Variants in SEM1 observed in about 807,000 individuals in gnomAD.
SEM1 encodes the protein 26S proteasome complex subunit SEM1.
In SEM1, 3 loss-of-function variants were observed where a neutral mutation model predicts 12.7. The observed-to-expected ratio is 0.24, with a 90% CI of 0.11 to 0.61. The LOEUF (loss-of-function observed/expected upper bound fraction) is 0.61, where lower values mean the gene tolerates loss of function less well. Among genes scored for constraint, SEM1 ranks in the 20% least tolerant of loss-of-function variants. SEM1 has a pLI of 0.88. For synonymous variants in SEM1, 30 were observed against 27.8 expected (o/e 1.08, Z -0.25); for missense variants, 59 against 81.3 (o/e 0.73, Z 1.06).
At position 96,709,800 on chromosome 7, in the gene SEM1, G is replaced by T. The variant is rs779124188; in HGVS notation, c.-37C>A. On this transcript the variant is annotated 5_prime_UTR_variant, in exon 1 of 3. In the 5' UTR this introduces an upstream ATG that the reference lacks. Transcript: ENST00000248566. ...GCGCCCAACACCTCCCAGATAAGCAGAAAAGTTGGAACCCTCACTCTTCCT... is the reference window on the plus strand; with the variant it reads ...GCGCCCAACACCTCCCAGATAAGCATAAAAGTTGGAACCCTCACTCTTCCT... 6.2e-7 allele frequency: 1 copy of T among 1,602,782 alleles called. No individual in the cohort carries two copies. Among genetic ancestry groups the T allele is most frequent in the South Asian group, 1.1e-5 (1 of 90,744 alleles).
At position 96,528,897 on chromosome 7, in the gene SEM1, T is replaced by A. The variant is rs568450333; in HGVS notation, c.171-22199A>T. On this transcript the variant is annotated intron_variant and NMD_transcript_variant, in intron 2 of 3. Coordinates refer to the SEM1 transcript ENST00000466986. ...CACCAAACATTGAAATATATACCAT[T>A]TGATAACCTTAGATATTGTATTCTA... Among the ~76,000 whole-genome samples, 6 of 152,252 alleles carry A rather than the reference T, an allele frequency of 3.9e-5. No homozygotes were observed. In the South Asian group the frequency reaches 6.2e-4, roughly 16 times the overall value.
chr7:96,497,509 A>G (rs1023227695), upstream of SEM1, among the ~76,000 whole-genome samples: 2 of 152,200 alleles, frequency 1.3e-5, no homozygotes, highest in Admixed American at 1.3e-4. Flanking sequence ...ATAAACCTGT[A>G]TAGTCTCTAA....
At chr7:96,550,976 C>T (rs765022936) in intron 2 of SEM1, among the ~76,000 whole-genome samples, 29 of 152,080 alleles carry the variant, frequency 1.9e-4, no homozygotes, top group Non-Finnish European at 1.8e-4. Context: ...ATTAAGCATT[C>T]AACAGATACT....
At chr7:96,484,019 C>T (rs1286070379) in intron 3 of SEM1, 4 of 1,471,182 alleles carry the variant, frequency 2.7e-6, no homozygotes, top group Admixed American at 2.4e-5. Flanking sequence ...TGCTGTGGGC[C>T]AGGAATCATT....
At chr7:96,582,148 C>G (rs1239280618) in intron 2 of SEM1, among the ~76,000 whole-genome samples, 3 of 151,422 alleles carry the variant, frequency 2.0e-5, no homozygotes, top group African/African-American at 4.9e-5. Flanking sequence ...TACGTCCCAT[C>G]AATACCTAAT....
In SEM1 at chr7:96,524,677, T is replaced by C. The variant is rs887449998; in HGVS notation, c.171-17979A>G. On this transcript the variant is annotated intron_variant and NMD_transcript_variant, in intron 2 of 3. Coordinates refer to the SEM1 transcript ENST00000466986. ...CCCATTATATTAAAAAATTATTATT[T>C]CATTATGTAGTCAACATAAAAATTA... Among the ~76,000 whole-genome samples, 4 of 152,012 alleles carry C rather than the reference T, an allele frequency of 2.6e-5. 1 individual carries two copies. The highest frequency in any genetic ancestry group is 5.9e-5 in the Non-Finnish European group (4 of 67,988).
intron 2 of SEM1, among the ~76,000 whole-genome samples, chr7:96,604,065 T>C (rs1362537902): frequency 6.6e-6 from 1 of 152,148 alleles, no homozygotes; most frequent in African/African-American, 2.4e-5. Flanking sequence ...AGAGGACAGA[T>C]GGGGTGTAAA....
intron 2 of SEM1, among the ~76,000 whole-genome samples, chr7:96,485,794 C>T (rs987553064): frequency 3.3e-5 from 5 of 152,040 alleles, no homozygotes. Context: ...TCCACCTCGG[C>T]CTTGCAAAGT....
intron 1 of SEM1, among the ~76,000 whole-genome samples, chr7:96,494,744 A>G (rs1212941974): frequency 4.6e-5 from 7 of 151,890 alleles, no homozygotes; most frequent in Middle Eastern, 3.4e-3. Context: ...GCAAAAGGGA[A>G]AGAGAGAGGG....
In SEM1 at chr7:96,577,115, C is replaced by CA. The variant is rs34984231; in HGVS notation, c.171-70418dup. Among the ~76,000 whole-genome samples the CA allele has an allele frequency of 2.9e-4, 42 of 147,074 alleles. No individual in the cohort carries two copies. The South Asian group carries it at 7.8e-3, about 27-fold the overall frequency. The stretch of plus-strand genomic sequence containing the variant: ...CTGGGCAACAAGAGCAAAACTCTGT[C>CA]AAAAAAAAAAAAATGGATACAATAT... On this transcript the variant is annotated intron_variant and NMD_transcript_variant, in intron 2 of 3. Coordinates refer to the SEM1 transcript ENST00000466986.
intron 2 of SEM1, among the ~76,000 whole-genome samples, chr7:96,518,733 G>A (rs376173499): frequency 3.3e-5 from 5 of 152,052 alleles, no homozygotes; most frequent in African/African-American, 7.2e-5. Context: ...ATCTCTTTGC[G>A]AATTATTCAG....
In SEM1 at chr7:96,615,241, CTTTT is replaced by C. The variant is rs60940244; in HGVS notation, c.170+79553_170+79556del. Among the ~76,000 whole-genome samples the C allele has an allele frequency of 3.5e-3, 446 of 126,394 alleles. 4 individuals are homozygous for C. The highest frequency in any genetic ancestry group is 0.013 in the African/African-American group (418 of 31,492). 82.9% of individuals were successfully genotyped at this position (126,394 alleles called of 152,430 possible). ...ACTGTTGGGTTATTTTTTGAGTCAT[CTTTT>C]TTTTTTTTTTTTTTTTTTTTGGAGA... On this transcript the variant is annotated intron_variant and NMD_transcript_variant, in intron 2 of 3. Transcript: ENST00000466986.
At chr7:96,515,388 G>T (rs1264426653) in intron 2 of SEM1, among the ~76,000 whole-genome samples, 1 of 152,182 alleles carries the variant, frequency 6.6e-6, no homozygotes, top group Non-Finnish European at 1.5e-5. Flanking sequence ...AAATGCTGGA[G>T]AGGATGTGGA....
chr7:96,539,904 T>C (rs1375982012), intron 2 of SEM1, among the ~76,000 whole-genome samples: 1 of 151,362 alleles, frequency 6.6e-6, no homozygotes, highest in Non-Finnish European at 1.5e-5. Context: ...TGCAAAAGTA[T>C]TTATGGTTTT....
At chr7:96,709,662 C>T in intron 1 of SEM1, 26 bp downstream of exon 1, 7 of 1,611,270 alleles carry the variant, frequency 4.3e-6, no homozygotes, top group Non-Finnish European at 5.9e-6. Context: ...GTTCGCGCGA[C>T]ACAGAAACCG....
chr7:96,653,904 G>A (rs554553089), intron 2 of SEM1: 2 of 152,280 alleles, frequency 1.3e-5, no homozygotes, highest in South Asian at 4.1e-4. Flanking sequence ...GGGGGCCGGG[G>A]AATTATACTT....
intron 2 of SEM1, among the ~76,000 whole-genome samples, chr7:96,541,481 A>G (rs1489771414): frequency 3.7e-5 from 3 of 81,734 alleles, no homozygotes; most frequent in Non-Finnish European, 4.8e-5. Flanking sequence ...TAAGTTCCTT[A>G]TAGATTCCGA....
chr7:96,594,573 G>A (rs1010827410), intron 2 of SEM1, among the ~76,000 whole-genome samples: 1 of 152,098 alleles, frequency 6.6e-6, no homozygotes, highest in Non-Finnish European at 1.5e-5. Context: ...CTCTAATGAA[G>A]CTTAAGCTTC....
chr7:96,522,230 T>C lies in SEM1; in HGVS notation c.171-15532A>G, dbSNP rs563709617. Among the ~76,000 whole-genome samples the C allele has an allele frequency of 7.4e-4, 112 of 152,246 alleles. 1 individual carries two copies. The highest frequency in any genetic ancestry group is 2.6e-3 in the African/African-American group (107 of 41,562). ...CATGTTGCTTCAGGCACATGCTCTA[T>C]GTTACCATTATATTTGCGTAACTGA... On this transcript the variant is annotated intron_variant and NMD_transcript_variant, in intron 2 of 3. Coordinates refer to the SEM1 transcript ENST00000466986.
Sources: allele counts gnomAD v4.1 joint callset (sites outside exome capture counted in the v4.1 genomes callset), GRCh38; gene constraint gnomAD v4.1.1; transcripts MANE v1.5; gene names NCBI Gene and HGNC (gene_info 2026-07-23, HGNC 2026-07-21).